Variants in RGS6 observed in about 807,000 individuals in gnomAD.
RGS6 encodes the protein regulator of G-protein signaling 6.
Under a neutral mutation model 78.5 loss-of-function variants are expected in RGS6, and 30 were observed. That is an observed-to-expected ratio of 0.38 (90% confidence interval 0.29 to 0.52). The LOEUF is 0.52. Among genes scored for constraint, RGS6 ranks in the 20% least tolerant of loss-of-function variants. RGS6 has a pLI of 0.85. For missense variants in RGS6, 495 were observed against 609.7 expected (o/e 0.81, Z 1.98); for synonymous variants, 206 against 206.0 (o/e 1.00, Z 0.00).
the RGS6 span, among the ~76,000 whole-genome samples, chr14:72,611,146 A>ACCG: frequency 6.6e-6 from 1 of 151,994 alleles, no homozygotes; most frequent in East Asian, 1.9e-4. Context: ...GCTCTGAGCC[A>ACCG]ACATCCACAC....
chr14:72,035,178 G>GAA (rs2091502770), intron 2 of RGS6, among the ~76,000 whole-genome samples: 1 of 152,134 alleles, frequency 6.6e-6, no homozygotes, highest in Admixed American at 6.6e-5. Context: ...AGGGGGAACT[G>GAA]CTATATTGCT....
the RGS6 span, among the ~76,000 whole-genome samples, chr14:72,590,716 G>A: frequency 1.7e-4 from 26 of 152,202 alleles, no homozygotes; most frequent in African/African-American, 6.3e-4. Context: ...TTTGCGAGGC[G>A]GGGAGAGGAG....
intron 12 of RGS6, among the ~76,000 whole-genome samples, chr14:72,487,312 T>C (rs1336987583): frequency 6.6e-6 from 1 of 152,196 alleles, no homozygotes; most frequent in Non-Finnish European, 1.5e-5. Context: ...TAGTAAGAAA[T>C]ACATAATAAT....
At chr14:72,416,318 G>A (rs1433123564) in intron 3 of RGS6, among the ~76,000 whole-genome samples, 1 of 152,072 alleles carries the variant, frequency 6.6e-6, no homozygotes, top group African/African-American at 2.4e-5. Flanking sequence ...TGGACCTTGA[G>A]CCCTGACAAA....
chr14:72,159,773 G>A (rs184074060), intron 2 of RGS6, among the ~76,000 whole-genome samples: 2 of 152,052 alleles, frequency 1.3e-5, no homozygotes, highest in Admixed American at 1.3e-4. Flanking sequence ...TCCAGAGTGG[G>A]GATCCTTATT....
chr14:72,340,638 T>A (rs1000040363), intron 2 of RGS6, among the ~76,000 whole-genome samples: 2 of 152,150 alleles, frequency 1.3e-5, no homozygotes, highest in African/African-American at 2.4e-5. Context: ...AGATGCAGAC[T>A]CTTTAAGCCT....
rs959949804 is a variant in RGS6, at chr14:72,234,864, G to A, written c.85-117231G>A. On this transcript the variant is annotated intron_variant, in intron 2 of 17. Coordinates refer to ENST00000553525, the MANE Select transcript of RGS6 (RefSeq NM_001204424.2). ...CTTTATTTCGTTATTTTTGTTTTGT[G>A]GCTATAAGCTCTACAGAGAAGTTGT... Among the ~76,000 whole-genome samples the A allele has an allele frequency of 3.3e-5, 5 of 151,930 alleles. No homozygotes were observed. In the South Asian group the frequency reaches 1.0e-3, roughly 32 times the overall value.
chr14:72,117,400 C>T (rs1466327302), intron 2 of RGS6, among the ~76,000 whole-genome samples: 1 of 152,092 alleles, frequency 6.6e-6, no homozygotes, highest in African/African-American at 2.4e-5. Context: ...CTCTCTCTTG[C>T]TCCAGCTCTC....
the RGS6 span, among the ~76,000 whole-genome samples, chr14:71,895,889 C>G: frequency 6.6e-6 from 1 of 152,084 alleles, no homozygotes. Context: ...CATTTCTGCT[C>G]AGAGAGAGCG....
intron 2 of RGS6, among the ~76,000 whole-genome samples, chr14:72,347,190 C>T (rs1378127818): frequency 6.6e-6 from 1 of 152,202 alleles, no homozygotes; most frequent in African/African-American, 2.4e-5. Context: ...ATTGATTTTG[C>T]TCTTCTTTAG....
At chr14:72,382,536 A>T (rs1335975356) in intron 3 of RGS6, among the ~76,000 whole-genome samples, 1 of 152,216 alleles carries the variant, frequency 6.6e-6, no homozygotes, top group Non-Finnish European at 1.5e-5. Flanking sequence ...CGTTGTGGTG[A>T]TGCCTATGGA....
chr14:72,548,190 C>A (rs1429377286), intron 17 of RGS6, among the ~76,000 whole-genome samples: 1 of 152,142 alleles, frequency 6.6e-6, no homozygotes, highest in Non-Finnish European at 1.5e-5. Context: ...GATGAAGAGA[C>A]AAACATTCCA....
chr14:71,941,076 GC>G (rs1331956175), intron 1 of RGS6, among the ~76,000 whole-genome samples: 4 of 152,176 alleles, frequency 2.6e-5, no homozygotes, highest in African/African-American at 9.7e-5. Context: ...TGCTTCTGAA[GC>G]TGGGAGACAG....
intron 2 of RGS6, among the ~76,000 whole-genome samples, chr14:72,044,387 C>T (rs2092673114): frequency 1.3e-5 from 2 of 152,150 alleles, no homozygotes; most frequent in South Asian, 4.1e-4. Flanking sequence ...ATCTGCCCTG[C>T]CCCAATATTG....
intron 2 of RGS6, among the ~76,000 whole-genome samples, chr14:72,247,131 G>A (rs78184870): frequency 6.6e-6 from 1 of 152,112 alleles, no homozygotes; most frequent in Non-Finnish European, 1.5e-5. Flanking sequence ...GATAATTCCA[G>A]CTCTTTCTTT....
chr14:72,400,269 T>G (rs557945179), intron 3 of RGS6, among the ~76,000 whole-genome samples: 3 of 152,336 alleles, frequency 2.0e-5, no homozygotes, highest in African/African-American at 7.2e-5. Context: ...AACATACTGA[T>G]TTTTTACAGA....
At chr14:72,039,553 A>G (rs60439726) in intron 2 of RGS6, among the ~76,000 whole-genome samples, 11,898 of 152,030 alleles carry the variant, frequency 0.078, 519 homozygotes, top group East Asian at 0.17. Flanking sequence ...ATCTTTTTCC[A>G]TTCTTTCATT....
chr14:72,067,900 C>G (rs956846417), intron 2 of RGS6, among the ~76,000 whole-genome samples: 1 of 152,124 alleles, frequency 6.6e-6, no homozygotes, highest in Non-Finnish European at 1.5e-5. Context: ...GCTAGACATG[C>G]AGAATCACAG....
intron 2 of RGS6, among the ~76,000 whole-genome samples, chr14:72,273,132 C>CA (rs776425541): frequency 0.2 from 24,300 of 122,296 alleles, 2,077 homozygotes; most frequent in Middle Eastern, 0.25. Flanking sequence ...AACTCCATCT[C>CA]AAAAAAAAAA....
Sources: allele counts gnomAD v4.1 joint callset (sites outside exome capture counted in the v4.1 genomes callset), GRCh38; gene constraint gnomAD v4.1.1; transcripts MANE v1.5; gene names NCBI Gene and HGNC (gene_info 2026-07-23, HGNC 2026-07-21).